Variants in CDH8 observed in about 807,000 individuals in gnomAD.
CDH8 encodes the protein cadherin 8.
Under a neutral mutation model 68.1 loss-of-function variants are expected in CDH8, and 17 were observed. That is an observed-to-expected ratio of 0.25 (90% CI 0.17 to 0.37). The LOEUF (loss-of-function observed/expected upper bound fraction) is 0.37, where lower values mean the gene tolerates loss of function less well. Among genes scored for constraint, CDH8 ranks in the 10% least tolerant of loss-of-function variants. CDH8 has a pLI of 1.00. For missense variants in CDH8, 763 were observed against 999.3 expected (o/e 0.76, Z 3.19); for synonymous variants, 372 against 365.1 (o/e 1.02, Z -0.21).
At chr16:61,878,945 T>C (rs1963514080) in intron 3 of CDH8, among the ~76,000 whole-genome samples, 1 of 152,170 alleles carries the variant, frequency 6.6e-6, no homozygotes, top group Admixed American at 6.6e-5. Flanking sequence ...AAGCAATAAA[T>C]TCTATTTTAC....
At chr16:61,992,077 T>TGTGTGTGTGTGTGAGAGAGA (rs34925928) in intron 2 of CDH8, among the ~76,000 whole-genome samples, 8 of 144,126 alleles carry the variant, frequency 5.6e-5, no homozygotes, top group African/African-American at 2.1e-4. Context: ...TGTGTGTGTG[T>TGTGTGTGTGTGTGAGAGAGA]GAGAGAGAGA....
intron 2 of CDH8, among the ~76,000 whole-genome samples, chr16:62,014,643 C>T (rs571747659): frequency 3.3e-5 from 5 of 152,272 alleles, no homozygotes; most frequent in Admixed American, 3.3e-4. Context: ...GTCCTTCATA[C>T]TAAGCACCAC....
At chr16:62,015,654 A>T (rs1901921351) in intron 2 of CDH8, among the ~76,000 whole-genome samples, 2 of 152,150 alleles carry the variant, frequency 1.3e-5, no homozygotes, top group African/African-American at 4.8e-5. Flanking sequence ...AATGTTTACG[A>T]CCTTCGTATG....
chr16:61,801,907 C>T (rs1002634786), intron 7 of CDH8, among the ~76,000 whole-genome samples: 1 of 149,706 alleles, frequency 6.7e-6, no homozygotes, highest in African/African-American at 2.5e-5. Context: ...CCGCCATTGC[C>T]CAGGCTTGCT....
intron 6 of CDH8, among the ~76,000 whole-genome samples, chr16:61,819,794 G>A (rs573419175): frequency 6.6e-6 from 1 of 151,996 alleles, no homozygotes; most frequent in Non-Finnish European, 1.5e-5. Context: ...TGAAGAAAGT[G>A]AAAAAAATTA....
At chr16:62,030,821 C>G (rs1902307264) in intron 1 of CDH8, among the ~76,000 whole-genome samples, 1 of 152,074 alleles carries the variant, frequency 6.6e-6, no homozygotes, top group South Asian at 2.1e-4. Flanking sequence ...AGTACCTTAT[C>G]ATGGCACACT....
In CDH8 at chr16:61,720,173, T is replaced by A. The variant is rs78090545; in HGVS notation, c.1537-6215A>T. Among the ~76,000 whole-genome samples, 4 of 151,094 alleles carry A rather than the reference T, an allele frequency of 2.6e-5. No individual in the cohort carries two copies. In the East Asian group the frequency reaches 7.8e-4, roughly 30 times the overall value. ...TGTGAAGGTGTGTATCTACATAGCT[T>A]AATGGTTACAGCCATGTTACCATTA... On this transcript the variant is annotated intron_variant, in intron 9 of 11. Transcript: ENST00000577390.
At chr16:61,906,452 T>C (rs1964063654) in intron 2 of CDH8, among the ~76,000 whole-genome samples, 1 of 152,186 alleles carries the variant, frequency 6.6e-6, no homozygotes, top group South Asian at 2.1e-4. Flanking sequence ...ATCCCAGTCA[T>C]ATACAGTAAG....
intron 2 of CDH8, among the ~76,000 whole-genome samples, chr16:61,903,274 A>T (rs1273500235): frequency 6.6e-6 from 1 of 152,224 alleles, no homozygotes; most frequent in Non-Finnish European, 1.5e-5. Flanking sequence ...GTTAAAATTA[A>T]CTAAGAGAAG....
At chr16:61,972,683 G>A (rs553454052) in intron 2 of CDH8, among the ~76,000 whole-genome samples, 61 of 151,504 alleles carry the variant, frequency 4.0e-4, no homozygotes, top group Admixed American at 7.9e-4. Flanking sequence ...ACCATGAGCA[G>A]GAATATGACC....
intron 2 of CDH8, among the ~76,000 whole-genome samples, chr16:61,957,633 C>T (rs996524503): frequency 1.2e-4 from 18 of 152,168 alleles, no homozygotes; most frequent in Non-Finnish European, 1.2e-4. Flanking sequence ...CACATGCACA[C>T]GCATTCATTG....
intron 2 of CDH8, among the ~76,000 whole-genome samples, chr16:61,994,677 C>T (rs1006508666): frequency 5.9e-5 from 9 of 152,164 alleles, no homozygotes; most frequent in Non-Finnish European, 1.2e-4. Flanking sequence ...GGGGACCTGT[C>T]AGAAACACAA....
intron 8 of CDH8, among the ~76,000 whole-genome samples, chr16:61,733,634 C>A (rs888877593): frequency 1.3e-5 from 2 of 151,822 alleles, no homozygotes; most frequent in African/African-American, 4.8e-5. Flanking sequence ...ATTATTACAG[C>A]CTATTAATAT....
intron 2 of CDH8, among the ~76,000 whole-genome samples, chr16:62,007,837 C>G (rs1218256278): frequency 6.6e-6 from 1 of 152,056 alleles, no homozygotes; most frequent in African/African-American, 2.4e-5. Flanking sequence ...ACCTCATTTT[C>G]TCTCTCATTG....
chr16:61,909,903 A>G (rs914632858), intron 2 of CDH8, among the ~76,000 whole-genome samples: 7 of 152,230 alleles, frequency 4.6e-5, no homozygotes, highest in Admixed American at 3.9e-4. Context: ...GAGAATTCCC[A>G]AGCCAGTGTT....
chr16:62,027,430 A>G (rs754831392), intron 1 of CDH8, among the ~76,000 whole-genome samples: 1 of 152,228 alleles, frequency 6.6e-6, no homozygotes, highest in Non-Finnish European at 1.5e-5. Flanking sequence ...GACGTCTAAA[A>G]CAAAAACAGG....
At chr16:61,681,675 A>T (rs536968850) in intron 10 of CDH8, among the ~76,000 whole-genome samples, 1 of 152,020 alleles carries the variant, frequency 6.6e-6, no homozygotes, top group Admixed American at 6.6e-5. Flanking sequence ...TATGGAATGT[A>T]AATGATTTCT....
intron 2 of CDH8, among the ~76,000 whole-genome samples, chr16:61,920,972 G>C (rs1330177734): frequency 6.7e-6 from 1 of 148,748 alleles, no homozygotes; most frequent in Admixed American, 6.7e-5. Flanking sequence ...GATGAAATTG[G>C]AAATCATCAT....
intron 4 of CDH8, among the ~76,000 whole-genome samples, chr16:61,848,454 C>A (rs1962864474): frequency 6.6e-6 from 1 of 152,106 alleles, no homozygotes; most frequent in Non-Finnish European, 1.5e-5. Context: ...ACATGACCAT[C>A]ACACCACTTC....
Sources: gnomAD v4.1 joint callset for allele counts (sites outside exome capture counted in the v4.1 genomes callset) on GRCh38, gnomAD v4.1.1 for gene constraint, MANE v1.5 for transcripts, NCBI Gene and HGNC (gene_info 2026-07-23, HGNC 2026-07-21) for gene names.